The following ABCB1 variants were observed in gnomAD, a reference collection of about 807,000 sequenced individuals.
ABCB1 encodes the protein ATP binding cassette subfamily B member 1.
ABCB1 carries 69 observed loss-of-function variants against 142.0 expected under a neutral mutation model. The ratio of observed to expected loss-of-function variants is 0.49; its 90% confidence interval spans 0.40 to 0.59. The LOEUF is 0.59. Ranked by LOEUF, ABCB1 falls within the 20% of genes least tolerant of loss-of-function variation. ABCB1 has a pLI of 0.00. For synonymous variants in ABCB1, 532 were observed against 539.2 expected (o/e 0.99, Z 0.18); for missense variants, 1,326 against 1,554.7 (o/e 0.85, Z 2.47).
intron 25 of ABCB1, among the ~76,000 whole-genome samples, chr7:87,512,441 T>G (rs1484611731): frequency 6.6e-6 from 1 of 152,190 alleles, no homozygotes; most frequent in Non-Finnish European, 1.5e-5. Context: ...AGGCCGGCTG[T>G]GTTTTTTACT....
chr7:87,650,837 C>T (rs761102876), intron 1 of ABCB1: 1 of 1,605,466 alleles, frequency 6.2e-7, no homozygotes, highest in Non-Finnish European at 8.5e-7. Flanking sequence ...CTGTGAAGAC[C>T]CTGATTGATC....
intron 25 of ABCB1, among the ~76,000 whole-genome samples, chr7:87,511,266 T>A (rs1814995329): frequency 6.6e-6 from 1 of 152,136 alleles, no homozygotes; most frequent in African/African-American, 2.4e-5. Context: ...ATGGTGTTGG[T>A]CTGAGGAAAG....
chr7:87,603,145 G>A (rs1029688508), upstream of ABCB1: 9 of 152,052 alleles, frequency 5.9e-5, no homozygotes, highest in African/African-American at 2.2e-4. Flanking sequence ...ATGTATCTAT[G>A]GGAGTAATAA....
chr7:87,667,542 T>C (rs1825386986), intron 1 of ABCB1, among the ~76,000 whole-genome samples: 1 of 152,098 alleles, frequency 6.6e-6, no homozygotes, highest in African/African-American at 2.4e-5. Context: ...ATAGTAGTGG[T>C]GAGAGAGGGC....
intron 1 of ABCB1, among the ~76,000 whole-genome samples, chr7:87,620,253 C>A (rs1023878307): frequency 6.6e-6 from 1 of 151,922 alleles, no homozygotes; most frequent in Non-Finnish European, 1.5e-5. Flanking sequence ...CTCCACCTTG[C>A]GGGTTCAAGT....
rs542639940 is a variant in ABCB1 at position 87,626,029 on chromosome 7, G to T, written c.-330-24951C>A. Among the ~76,000 whole-genome samples, 344 of 139,088 alleles carry T rather than the reference G, an allele frequency of 2.5e-3. 6 individuals are homozygous for T. The highest frequency in any genetic ancestry group is 6.3e-3 in the African/African-American group (233 of 36,740). 91.2% of individuals were successfully genotyped at this position (139,088 alleles called of 152,430 possible). On this transcript the variant is annotated intron_variant, in intron 1 of 28. Coordinates refer to the ABCB1 transcript ENST00000265724. The stretch of plus-strand genomic sequence containing the variant: ...ATGTACATATATATATATATAGAGA[G>T]AGAGAGAGAGAGAGAGATGGAGTCT...
intron 1 of ABCB1, among the ~76,000 whole-genome samples, chr7:87,669,272 CTT>C (rs1446116751): frequency 6.6e-6 from 1 of 151,896 alleles, no homozygotes; most frequent in African/African-American, 2.4e-5. Flanking sequence ...TTTGAAATCT[CTT>C]TTGTCTGAAT....
At chr7:87,588,422 G>A (rs924719852) in intron 3 of ABCB1, among the ~76,000 whole-genome samples, 1 of 152,170 alleles carries the variant, frequency 6.6e-6, no homozygotes, top group Non-Finnish European at 1.5e-5. Context: ...TTTTAAGTGA[G>A]AACATGTGGT....
At chr7:87,526,239 A>G (rs1456252589) in intron 21 of ABCB1, among the ~76,000 whole-genome samples, 2 of 150,906 alleles carry the variant, frequency 1.3e-5, no homozygotes, top group Non-Finnish European at 2.9e-5. Context: ...CTGTGAAATC[A>G]TGTACATCTG....
chr7:87,677,808 A>G (rs1826532285), intron 1 of ABCB1, among the ~76,000 whole-genome samples: 1 of 152,208 alleles, frequency 6.6e-6, no homozygotes, highest in African/African-American at 2.4e-5. Flanking sequence ...GAGAAATATA[A>G]TTTATTACAT....
At chr7:87,587,013 G>C (rs1818787099) in intron 3 of ABCB1, among the ~76,000 whole-genome samples, 1 of 152,094 alleles carries the variant, frequency 6.6e-6, no homozygotes, top group Non-Finnish European at 1.5e-5. Context: ...TGTTATTTAT[G>C]GGTTGATGAT....
intron 27 of ABCB1, among the ~76,000 whole-genome samples, 173 bp downstream of exon 27, chr7:87,505,724 T>G (rs920412759): frequency 3.3e-5 from 5 of 152,216 alleles, no homozygotes; most frequent in Admixed American, 6.5e-5. Context: ...CTAATCTGCC[T>G]TGTGTCATCT....
intron 3 of ABCB1, among the ~76,000 whole-genome samples, chr7:87,592,491 G>A (rs183530052): frequency 2.0e-5 from 3 of 152,182 alleles, no homozygotes; most frequent in African/African-American, 4.8e-5. Context: ...GCCAGGTGGC[G>A]TAGTCTTTGA....
chr7:87,585,383 C>T, intron 4 of ABCB1, 129 bp downstream of exon 4: 1 of 887,296 alleles, frequency 1.1e-6, no homozygotes, highest in East Asian at 2.6e-5. Flanking sequence ...TGAATTATAA[C>T]TCAGACTGTC....
chr7:87,633,451 A>G (rs1053275248), intron 1 of ABCB1, among the ~76,000 whole-genome samples: 1 of 152,216 alleles, frequency 6.6e-6, no homozygotes, highest in Admixed American at 6.5e-5. Context: ...AGACTCTTGC[A>G]GCATGTAGAG....
intron 1 of ABCB1, among the ~76,000 whole-genome samples, chr7:87,626,335 CGTATATGTGTCAT>C (rs1486959208): frequency 6.9e-5 from 2 of 28,816 alleles, no homozygotes; most frequent in Non-Finnish European, 1.0e-4. Context: ...ATATATGTGT[CGTATATGTGTCAT>C]ATATATGTGT....
intron 1 of ABCB1, among the ~76,000 whole-genome samples, chr7:87,687,369 C>A (rs1033367903): frequency 6.6e-6 from 1 of 152,038 alleles, no homozygotes; most frequent in Admixed American, 6.6e-5. Context: ...GAGGTTTAAC[C>A]CTTCCACTAT....
rs553351299 is a variant in ABCB1, at chr7:87,573,033, G to A, written c.287-2810C>T. Among the ~76,000 whole-genome samples the A allele has an allele frequency of 5.3e-5, 8 of 152,168 alleles. No individual in the cohort carries two copies. The South Asian group carries it at 6.2e-4, about 12-fold the overall frequency. ...CCTATGTAACTATATTAGTCTATTCGTATGCTGCTGATAAAAACATACCTG... is the reference window on the plus strand; with the variant it reads ...CCTATGTAACTATATTAGTCTATTCATATGCTGCTGATAAAAACATACCTG... On this transcript the variant is annotated intron_variant, in intron 4 of 27. Transcript: ENST00000622132.
intron 1 of ABCB1, among the ~76,000 whole-genome samples, chr7:87,649,413 C>A (rs996811985): frequency 6.6e-6 from 1 of 152,014 alleles, no homozygotes; most frequent in Non-Finnish European, 1.5e-5. Flanking sequence ...GGAATTGTGT[C>A]CTAATAAGAT....
Sources: allele counts gnomAD v4.1 joint callset (sites outside exome capture counted in the v4.1 genomes callset), GRCh38; gene constraint gnomAD v4.1.1; transcripts MANE v1.5; gene names NCBI Gene and HGNC (gene_info 2026-07-23, HGNC 2026-07-21).